Variants in SP100 observed in about 807,000 individuals in gnomAD.
SP100 encodes the protein SP100 nuclear body protein, also known as nuclear autoantigen Sp-100.
In SP100, 84 loss-of-function variants were observed where a neutral mutation model predicts 130.0. The observed-to-expected ratio is 0.65, with a 90% confidence interval of 0.54 to 0.77. The LOEUF is 0.77. SP100 is among the 30% of genes least tolerant of loss of function. The pLI, the probability that SP100 is intolerant of heterozygous loss-of-function variation, is 0.00. For missense variants in SP100, 978 were observed against 1,052.2 expected (o/e 0.93, Z 0.97); for synonymous variants, 331 against 351.7 (o/e 0.94, Z 0.66).
rs757806966 is a variant in SP100, at chr2:230,466,372, G to GA, written c.1195+22dup. On this transcript the variant is annotated intron_variant, in intron 12 of 28. Transcript: ENST00000340126. ...GAAAAGAGGTAAGAGAAAGCTTTAGGAAAAGAGGTAAGAGAAAATAACTTC... is the reference window on the plus strand; with the variant it reads ...GAAAAGAGGTAAGAGAAAGCTTTAGGAAAAAGAGGTAAGAGAAAATAACTTC... 2 of 1,343,034 alleles carry GA rather than the reference G, an allele frequency of 1.5e-6. No individual in the cohort carries two copies. Among genetic ancestry groups the GA allele is most frequent in the Non-Finnish European group, 2.1e-6 (2 of 939,322 alleles). 83.2% of individuals were successfully genotyped at this position (1,343,034 alleles called of 1,614,324 possible).
At chr2:230,516,151 C>A in intron 24 of SP100, 1 of 784,798 alleles carries the variant, frequency 1.3e-6, no homozygotes, top group Non-Finnish European at 1.5e-6. Flanking sequence ...TGTCTATTAG[C>A]TCCACAAAGC....
At chr2:230,426,685 G>A (rs1421913626) in intron 2 of SP100, among the ~76,000 whole-genome samples, 1 of 152,108 alleles carries the variant, frequency 6.6e-6, no homozygotes, top group Non-Finnish European at 1.5e-5. Flanking sequence ...TTTTCCTGGA[G>A]AATGTTTCAT....
At chr2:230,480,328 C>A (rs932925916) in intron 17 of SP100, among the ~76,000 whole-genome samples, 4 of 151,926 alleles carry the variant, frequency 2.6e-5, no homozygotes, top group African/African-American at 9.7e-5. Flanking sequence ...TATGATTGTA[C>A]AAAATATGTA....
chr2:230,506,078 C>A (rs184983521), intron 21 of SP100, among the ~76,000 whole-genome samples: 87 of 151,374 alleles, frequency 5.7e-4, no homozygotes, highest in Non-Finnish European at 1.0e-3. Context: ...AGTAATATTT[C>A]TTCTCATTGC....
intron 24 of SP100, among the ~76,000 whole-genome samples, chr2:230,528,169 G>A (rs1222301170): frequency 2.0e-5 from 3 of 152,022 alleles, no homozygotes; most frequent in Non-Finnish European, 2.9e-5. Flanking sequence ...AAGTGACCAC[G>A]TAATTTGTAG....
chr2:230,426,413 A>T (rs1401799476), intron 2 of SP100, among the ~76,000 whole-genome samples: 1 of 152,048 alleles, frequency 6.6e-6, no homozygotes, highest in East Asian at 1.9e-4. Flanking sequence ...CATCTCATTA[A>T]GTTTTGCTAT....
intron 24 of SP100, among the ~76,000 whole-genome samples, chr2:230,517,119 A>G (rs572311922): frequency 6.6e-6 from 1 of 152,288 alleles, no homozygotes; most frequent in South Asian, 2.1e-4. Flanking sequence ...ACAATTTACC[A>G]AATCAGTCTA....
At chr2:230,522,623 G>T (rs1416164654) in intron 24 of SP100, among the ~76,000 whole-genome samples, 4 of 151,084 alleles carry the variant, frequency 2.6e-5, no homozygotes, top group Non-Finnish European at 4.4e-5. Context: ...CGAGTAGCTG[G>T]GACTACAGGT....
chr2:230,509,255 A>G (rs1051982389), intron 23 of SP100: 1 of 152,158 alleles, frequency 6.6e-6, no homozygotes, highest in African/African-American at 2.4e-5. Flanking sequence ...TATAAGAGAG[A>G]ACCTGGTGAA....
chr2:230,472,716 T>C (rs2065336056), intron 15 of SP100, among the ~76,000 whole-genome samples: 1 of 151,948 alleles, frequency 6.6e-6, no homozygotes, highest in African/African-American at 2.4e-5. Context: ...ATGGAGAAAT[T>C]GTAGGATCTG....
intron 4 of SP100, among the ~76,000 whole-genome samples, chr2:230,444,869 G>T (rs1461993873): frequency 6.6e-6 from 1 of 152,134 alleles, no homozygotes; most frequent in Non-Finnish European, 1.5e-5. Flanking sequence ...CCACAACTAT[G>T]GCTTCCCCAC....
At chr2:230,459,331 G>A (rs2064457813) in intron 8 of SP100, among the ~76,000 whole-genome samples, 1 of 151,974 alleles carries the variant, frequency 6.6e-6, no homozygotes, top group Non-Finnish European at 1.5e-5. Flanking sequence ...GGAGGCACAG[G>A]GTGTCCTATT....
chr2:230,440,040 T>C (rs1206039629), intron 2 of SP100, among the ~76,000 whole-genome samples: 1 of 152,130 alleles, frequency 6.6e-6, no homozygotes, highest in African/African-American at 2.4e-5. Context: ...CGCAGGAATA[T>C]GTATAAAGGT....
chr2:230,529,549 A>G (rs1195339080), intron 24 of SP100, among the ~76,000 whole-genome samples: 1 of 152,230 alleles, frequency 6.6e-6, no homozygotes, highest in African/African-American at 2.4e-5. Context: ...CACGACTCTT[A>G]TTCAACATAG....
At chr2:230,447,461 GC>G (rs971782079) in intron 5 of SP100, among the ~76,000 whole-genome samples, 1 of 152,162 alleles carries the variant, frequency 6.6e-6, no homozygotes, top group Non-Finnish European at 1.5e-5. Context: ...CCATAAGAAT[GC>G]CCCCCACTTC....
At position 230,498,403 on chromosome 2, in the gene SP100, A is replaced by C. The variant is rs1004967747; in HGVS notation, c.1646-58A>C. The C allele has an allele frequency of 3.6e-5, 39 of 1,078,198 alleles. 2 individuals carry two copies. The South Asian group carries it at 5.4e-4, about 15-fold the overall frequency. The allele number at this position is 1,078,198 out of a possible 1,614,324, so 66.8% of individuals were successfully genotyped here. ...GCTAAATAAAATTTTTGAAAGCACT[A>C]TTATATATAATGTGAGTTTTTTACA... On this transcript the variant is annotated intron_variant, in intron 18 of 28. Transcript: ENST00000340126.
intron 17 of SP100, among the ~76,000 whole-genome samples, chr2:230,476,278 G>C (rs764918950): frequency 6.6e-6 from 1 of 152,014 alleles, no homozygotes; most frequent in Non-Finnish European, 1.5e-5. Context: ...AATTCCTAGG[G>C]ATCTCATTTT....
At chr2:230,454,947 A>C (rs373693514) in intron 8 of SP100, among the ~76,000 whole-genome samples, 1 of 152,152 alleles carries the variant, frequency 6.6e-6, no homozygotes, top group East Asian at 1.9e-4. Flanking sequence ...TTTGTTTTAT[A>C]TATTTAGTTG....
intron 2 of SP100, among the ~76,000 whole-genome samples, chr2:230,438,738 A>C (rs946529669): frequency 2.0e-5 from 3 of 152,012 alleles, no homozygotes; most frequent in Non-Finnish European, 1.5e-5. Flanking sequence ...ATACATATAT[A>C]TATCACATTT....
Sources: allele counts gnomAD v4.1 joint callset (sites outside exome capture counted in the v4.1 genomes callset), GRCh38; gene constraint gnomAD v4.1.1; transcripts MANE v1.5; gene names NCBI Gene and HGNC (gene_info 2026-07-23, HGNC 2026-07-21).